GTF3C2: variants seen among roughly 807,000 people sequenced by gnomAD.
The protein encoded by GTF3C2 is general transcription factor 3C polypeptide 2.
A neutral mutation model predicts 117.4 loss-of-function variants in GTF3C2; 17 were observed. That is an observed-to-expected ratio of 0.14 (90% confidence interval 0.10 to 0.22). GTF3C2 has a LOEUF of 0.22. Ranked by LOEUF, GTF3C2 falls within the 10% of genes least tolerant of loss-of-function variation. The pLI is 1.00. For missense variants in GTF3C2, 888 were observed against 1,143.6 expected, an observed-to-expected ratio of 0.78 and a Z score of 3.22; for synonymous variants, 437 against 427.0, an observed-to-expected ratio of 1.02 and a Z score of -0.29.
At position 27,329,297 on chromosome 2, in the gene GTF3C2, GAGA is replaced by G. The variant is rs1401593752; in HGVS notation, c.1878-18_1878-16del. On this transcript the variant is annotated splice_polypyrimidine_tract_variant and intron_variant, in intron 13 of 18. Coordinates refer to ENST00000264720, the Ensembl canonical transcript of GTF3C2. This position sits in a 1 kb window ranked among gnomAD's most constrained non-coding sequence, Gnocchi z 4.5. ...CAAGGAAATGGCTGTAAAAAGACGG[GAGA>G]AGGTCAAATCCAAACAAATCCGGAA... 2 of 1,614,034 alleles carry G rather than the reference GAGA, an allele frequency of 1.2e-6. No homozygotes were observed. Among genetic ancestry groups the G allele is most frequent in the East Asian group, 2.2e-5 (1 of 44,892 alleles).
intron 1 of GTF3C2, among the ~76,000 whole-genome samples, chr2:27,354,537 G>A (rs1681257997): frequency 6.6e-6 from 1 of 152,156 alleles, no homozygotes; most frequent in African/African-American, 2.4e-5. Flanking sequence ...AAGGCAGATG[G>A]ATCACTTGAG....
At chr2:27,344,387 C>T (rs1355467167) in intron 1 of GTF3C2, among the ~76,000 whole-genome samples, 2 of 152,110 alleles carry the variant, frequency 1.3e-5, no homozygotes, top group African/African-American at 4.8e-5. Flanking sequence ...GCTATACATA[C>T]ATTATCTAAT....
At chr2:27,335,739 C>G (rs1244156793) in intron 9 of GTF3C2, 33 bp from the exon 10 acceptor site, 1 of 1,395,248 alleles carries the variant, frequency 7.2e-7, no homozygotes, top group Non-Finnish European at 1.0e-6. Context: ...AGGCTTGCTG[C>G]CTTCAGCTGA....
In GTF3C2 at chr2:27,339,370, T is replaced by C. The variant is rs548370770; in HGVS notation, c.856-1350A>G. The stretch of plus-strand genomic sequence containing the variant: ...GTTGTGGTGAGCTGAGATCATGCCA[T>C]TGCACTCCAGCCTGGGCAATAAGAG... On this transcript the variant is annotated intron_variant, in intron 4 of 18. Coordinates refer to ENST00000264720, the Ensembl canonical transcript of GTF3C2. Among the ~76,000 whole-genome samples, 23 of 144,912 alleles carry C rather than the reference T, an allele frequency of 1.6e-4. No individual in the cohort carries two copies. The South Asian group carries it at 4.3e-3, about 27-fold the overall frequency.
chr2:27,335,799 G>A, intron 9 of GTF3C2, 93 bp from the exon 10 acceptor site: 1 of 1,088,376 alleles, frequency 9.2e-7, no homozygotes, highest in Admixed American at 2.0e-5. Context: ...GTATGAAGTT[G>A]CTGGAAAAAC....
exon 2 of GTF3C2, chr2:27,343,389 G>A: frequency 1.2e-6 from 2 of 1,613,912 alleles, no homozygotes; most frequent in East Asian, 2.2e-5. Flanking sequence ...CCAGGCAAAG[G>A]GGTAGGTAAT....
At position 27,329,620 on chromosome 2, in the gene GTF3C2, C is replaced by T; in HGVS notation, c.1733-97G>A. Reference sequence around the variant, plus strand: ...GCTCCTAGGACCTTTGTCTTCTACCCTCAGATCCAAACCACTATGAAAGGA... The same window carrying T: ...GCTCCTAGGACCTTTGTCTTCTACCTTCAGATCCAAACCACTATGAAAGGA... On this transcript the variant is annotated intron_variant, in intron 12 of 18. Coordinates refer to ENST00000264720, the Ensembl canonical transcript of GTF3C2. The surrounding 1 kb of genome is among the most constrained non-coding windows in gnomAD (Gnocchi z 4.5). 8.5e-7 allele frequency: 1 copy of T among 1,173,744 alleles called. No individual in the cohort carries two copies. The highest frequency in any genetic ancestry group is 1.2e-6 in the Non-Finnish European group (1 of 811,930). 72.7% of individuals were successfully genotyped at this position (1,173,744 alleles called of 1,614,324 possible).
chr2:27,337,507 G>C (rs1211400737), exon 6 of GTF3C2: 3 of 1,611,760 alleles, frequency 1.9e-6, no homozygotes, highest in African/African-American at 2.7e-5. Context: ...GCCACTTCCA[G>C]GCTAAAGGAA....
chr2:27,327,262 C>T (rs754184411), exon 18 of GTF3C2: 65 of 1,599,096 alleles, frequency 4.1e-5, no homozygotes, highest in South Asian at 5.5e-5. Context: ...TGGTTCTCTA[C>T]GGAGCAGATC....
chr2:27,337,808 T>A lies in GTF3C2; in HGVS notation c.950+118A>T, dbSNP rs1474568783. 3 of 739,720 alleles carry A rather than the reference T, an allele frequency of 4.1e-6. No individual in the cohort carries two copies. The African/African-American group carries it at 5.2e-5, about 13-fold the overall frequency. The allele number at this position is 739,720 out of a possible 1,614,324, so 45.8% of individuals were successfully genotyped here. On this transcript the variant is annotated intron_variant, in intron 5 of 18. Transcript: ENST00000264720. The stretch of plus-strand genomic sequence containing the variant: ...TAGAGCAGTGCTTTTTAGTAATGAA[T>A]GTCATCACGGTATTCCACCCATGAG...
At chr2:27,351,311 G>T (rs1370340537) in intron 1 of GTF3C2, among the ~76,000 whole-genome samples, 1 of 152,178 alleles carries the variant, frequency 6.6e-6, no homozygotes, top group Non-Finnish European at 1.5e-5. Context: ...CTACTCAGGA[G>T]GCTGAGGCAG....
chr2:27,328,911 T>C, exon 15 of GTF3C2: 2 of 1,609,242 alleles, frequency 1.2e-6, no homozygotes, highest in East Asian at 2.2e-5. Context: ...GTCAATATAA[T>C]GAATCCCACA....
intron 11 of GTF3C2, 27 bp from the exon 12 acceptor site, chr2:27,333,811 G>T: frequency 6.3e-7 from 1 of 1,599,406 alleles, no homozygotes; most frequent in Non-Finnish European, 8.5e-7. Context: ...GATGGGACTA[G>T]GGTTAGGGAC....
rs1680217615 is a variant in GTF3C2, at chr2:27,329,813, C to T, written c.1733-290G>A. On this transcript the variant is annotated intron_variant, in intron 12 of 18. Transcript: ENST00000264720. The surrounding 1 kb of genome is among the most constrained non-coding windows in gnomAD (Gnocchi z 4.5). ...AGTGCAGAGAGTAGAATGCACCTCTCTCTACTCCCTATAAATAAACGTCAA... is the reference window on the plus strand; with the variant it reads ...AGTGCAGAGAGTAGAATGCACCTCTTTCTACTCCCTATAAATAAACGTCAA... Among the ~76,000 whole-genome samples, 1 of 152,172 alleles carries T rather than the reference C, an allele frequency of 6.6e-6. No homozygotes were observed. The highest frequency in any genetic ancestry group is 1.5e-5 in the Non-Finnish European group (1 of 68,032).
chr2:27,329,197 G>A lies in GTF3C2; in HGVS notation c.1963C>T (p.Arg655Cys). ...CAGGCCAGTTCTGTACTCAAGAAGC[G>A]CTTGATAGAGTTTATGGGTTCGTAA... The change falls in exon 14 of 19, where the codon CGC (arginine) becomes TGC (cysteine). Residue 655 changes from arginine to cysteine, a missense_variant. This residue lies in a region of GTF3C2 where 277 missense variants were observed against 445.4 expected (regional missense o/e 0.62). Coordinates refer to ENST00000264720, the Ensembl canonical transcript of GTF3C2. This position sits in a 1 kb window ranked among gnomAD's most constrained non-coding sequence, Gnocchi z 4.5. The A allele has an allele frequency of 1.9e-6, 3 of 1,613,952 alleles. No individual in the cohort carries two copies. The highest frequency in any genetic ancestry group is 2.5e-6 in the Non-Finnish European group (3 of 1,179,840).
At chr2:27,354,170 C>G (rs767355172) in intron 1 of GTF3C2, among the ~76,000 whole-genome samples, 2 of 151,722 alleles carry the variant, frequency 1.3e-5, no homozygotes, top group Non-Finnish European at 2.9e-5. Context: ...GTAGCTCTAG[C>G]TATTCGAGAG....
chr2:27,341,017 CTGAAT>C (rs756363307), intron 4 of GTF3C2, among the ~76,000 whole-genome samples: 19 of 151,942 alleles, frequency 1.3e-4, no homozygotes, highest in Non-Finnish European at 2.4e-4. Flanking sequence ...TTGTGTACAA[CTGAAT>C]TGTGTGTTTT....
In GTF3C2 at chr2:27,331,026, C is replaced by T. The variant is rs553634889; in HGVS notation, c.1733-1503G>A. Among the ~76,000 whole-genome samples the T allele has an allele frequency of 7.9e-5, 12 of 152,246 alleles. 1 individual carries two copies. The South Asian group carries it at 2.5e-3, about 32-fold the overall frequency. ...CTCAGCTACTCAGAAGGCTGAGCCA[C>T]TCAGGGAATGAATGCAGCACCTATG... On this transcript the variant is annotated intron_variant, in intron 12 of 18. Transcript: ENST00000264720.
chr2:27,334,024 AACTC>A, intron 10 of GTF3C2, 25 bp from the exon 11 acceptor site: 1 of 1,592,900 alleles, frequency 6.3e-7, no homozygotes, highest in African/African-American at 1.3e-5. Context: ...AGCAGGAACT[AACTC>A]TATGGATCCC....
Sources: allele counts gnomAD v4.1 joint callset (sites outside exome capture counted in the v4.1 genomes callset), GRCh38; gene constraint gnomAD v4.1.1; regional missense constraint gnomAD v4.1.1; non-coding constraint Gnocchi (gnomAD v3.1); transcripts MANE v1.5; gene names NCBI Gene and HGNC (gene_info 2026-07-23, HGNC 2026-07-21).